GNL3L: variants seen among roughly 807,000 people sequenced by gnomAD.
The protein encoded by GNL3L is G protein nucleolar 3 like, also known as guanine nucleotide-binding protein-like 3-like protein.
In GNL3L, 4 loss-of-function variants were observed where a neutral mutation model predicts 42.9. The observed-to-expected ratio is 0.09, with a 90% CI of 0.05 to 0.21. The LOEUF (loss-of-function observed/expected upper bound fraction) is 0.21, where lower values mean the gene tolerates loss of function less well. GNL3L is among the 10% of genes least tolerant of loss of function. The pLI is 1.00. For missense variants in GNL3L, 412 were observed against 481.7 expected, an observed-to-expected ratio of 0.86 and a Z score of 1.36; for synonymous variants, 159 against 176.3, an observed-to-expected ratio of 0.90 and a Z score of 0.78.
downstream of GNL3L, among the ~76,000 whole-genome samples, chrX:54,625,706 G>A (rs186714936): frequency 3.6e-3 from 401 of 110,929 alleles, 2 homozygotes; most frequent in African/African-American, 0.013. Flanking sequence ...ATATCTAATG[G>A]TAGAGAACTA....
intron 16 of GNL3L, among the ~76,000 whole-genome samples, chrX:54,606,367 A>G (rs1436945268): frequency 2.7e-5 from 3 of 111,646 alleles, no homozygotes; most frequent in Non-Finnish European, 5.6e-5. Context: ...TTCCACTTAA[A>G]TGAACTTCAA....
the GNL3L span, among the ~76,000 whole-genome samples, chrX:54,636,790 G>T: frequency 4.5e-5 from 5 of 112,061 alleles, no homozygotes; most frequent in Non-Finnish European, 9.4e-5. Flanking sequence ...CATCTAGGTT[G>T]ATTCTGTATC....
rs762594562 is a variant in GNL3L at position 54,539,319 on chromosome X, A to G, written c.81+218A>G. On this transcript the variant is annotated intron_variant, in intron 3 of 15. Coordinates refer to ENST00000360845, the MANE Select transcript of GNL3L (RefSeq NM_001184819.2). ...TCGTGCTTGATTTACCTTGGTAGGG[A>G]TTATCATTATCCCCATGTTTTAGTT... is the stretch of plus-strand genomic sequence containing the variant. Among the ~76,000 whole-genome samples the G allele has an allele frequency of 2.7e-4, 30 of 111,194 alleles. No individual in the cohort carries two copies. The South Asian group carries it at 0.011, about 41-fold the overall frequency.
the GNL3L span, among the ~76,000 whole-genome samples, chrX:54,638,357 G>C: frequency 8.9e-6 from 1 of 112,001 alleles, no homozygotes; most frequent in Non-Finnish European, 1.9e-5. Flanking sequence ...CCTTCACACA[G>C]TGCCTGATAC....
At chrX:54,584,411 A>G (rs941056849) in intron 16 of GNL3L, among the ~76,000 whole-genome samples, 1 of 111,893 alleles carries the variant, frequency 8.9e-6, no homozygotes, top group Non-Finnish European at 1.9e-5. Context: ...TGATACAAGC[A>G]TATAATGTAT....
intron 7 of GNL3L, 124 bp downstream of exon 7, chrX:54,543,466 T>C: frequency 1.4e-6 from 1 of 717,181 alleles, no homozygotes; most frequent in Non-Finnish European, 2.1e-6. Flanking sequence ...AAAGTAGAAA[T>C]TTTTGTTCCG....
chrX:54,635,502 G>A, the GNL3L span, among the ~76,000 whole-genome samples: 3 of 111,395 alleles, frequency 2.7e-5, no homozygotes, highest in Non-Finnish European at 5.6e-5. Context: ...TTTGTTGAAA[G>A]CTATATGTTT....
intron 14 of GNL3L, among the ~76,000 whole-genome samples, chrX:54,555,039 G>C (rs1209589817): frequency 9.1e-6 from 1 of 109,377 alleles, no homozygotes; most frequent in African/African-American, 3.3e-5. Flanking sequence ...TTGAGATAGA[G>C]TCTCACTCTG....
chrX:54,630,920 C>T, the GNL3L span, among the ~76,000 whole-genome samples: 7 of 106,435 alleles, frequency 6.6e-5, no homozygotes, highest in Non-Finnish European at 1.3e-4. Flanking sequence ...GATTATCCTG[C>T]CTCAGCCTCC....
intron 1 of GNL3L, among the ~76,000 whole-genome samples, chrX:54,530,932 G>A (rs775270072): frequency 9.0e-6 from 1 of 111,437 alleles, no homozygotes; most frequent in East Asian, 2.9e-4. Flanking sequence ...AGAGCCCTCA[G>A]TATCGCTCCC....
chrX:54,552,918 G>A (rs1924988777), intron 13 of GNL3L, among the ~76,000 whole-genome samples: 1 of 111,930 alleles, frequency 8.9e-6, no homozygotes, highest in African/African-American at 3.2e-5. Context: ...CTGCCCTGTT[G>A]AAGACTCTTC....
At chrX:54,552,054 C>A in intron 12 of GNL3L, 80 bp downstream of exon 12, 1 of 1,088,035 alleles carries the variant, frequency 9.2e-7, no homozygotes, top group Non-Finnish European at 1.2e-6. Context: ...CTCATTGCCG[C>A]TGGGGCAGCT....
intron 16 of GNL3L, among the ~76,000 whole-genome samples, chrX:54,619,516 C>T (rs965003056): frequency 1.5e-4 from 12 of 82,294 alleles, no homozygotes; most frequent in African/African-American, 5.4e-4. Flanking sequence ...TTCTGTTTTG[C>T]GCAATTTTTT....
chrX:54,540,375 A>T (rs1475811280), intron 4 of GNL3L, 133 bp downstream of exon 4: 5 of 480,671 alleles, frequency 1.0e-5, no homozygotes, highest in Non-Finnish European at 1.5e-5. Context: ...GGAGAGAGGG[A>T]GGTTACCATG....
Position 54,551,561 on chromosome X carries a change from G to A in GNL3L, c.864-7G>A, listed in dbSNP as rs778958675. 1.2e-5 allele frequency: 14 copies of A among 1,205,203 alleles called. No homozygotes were observed. The highest frequency in any genetic ancestry group is 3.0e-5 in the East Asian group (1 of 33,753). The stretch of plus-strand genomic sequence containing the variant: ...GTACATCTGGGCTTTCTTCTTCCCC[G>A]CCCCAGATTCATGCAGGAGGTCTAC... On this transcript the variant is annotated splice_polypyrimidine_tract_variant and splice_region_variant and intron_variant, in intron 10 of 15. Coordinates refer to ENST00000360845, the MANE Select transcript of GNL3L (RefSeq NM_001184819.2).
chrX:54,545,953 A>G (rs1012197416), intron 8 of GNL3L, among the ~76,000 whole-genome samples: 13 of 112,517 alleles, frequency 1.2e-4, no homozygotes, highest in African/African-American at 4.2e-4. Flanking sequence ...GGCTCAAGCC[A>G]TCCTCCTGCC....
intron 15 of GNL3L, 55 bp downstream of exon 15, chrX:54,558,710 T>A: frequency 1.1e-6 from 1 of 908,845 alleles, no homozygotes; most frequent in Non-Finnish European, 1.5e-6. Context: ...GGGATCTTTT[T>A]TTGTTTTTTT....
intron 13 of GNL3L, among the ~76,000 whole-genome samples, chrX:54,553,280 C>T (rs1191070998): frequency 8.9e-6 from 1 of 111,776 alleles, no homozygotes; most frequent in Non-Finnish European, 1.9e-5. Context: ...GCTTGTGGCT[C>T]CCTGCTTCAT....
rs201258843 is a variant in GNL3L at position 54,542,945 on chromosome X, T to C, written c.307-10T>C. On this transcript the variant is annotated splice_polypyrimidine_tract_variant and intron_variant, in intron 5 of 15. Transcript: ENST00000360845. ...TCCCCTGGACCATTCTCTTTTTTTT[T>C]CTCCTTTAGGAGGAAGTTTTGCAGG... 618 of 1,122,902 alleles carry C rather than the reference T, an allele frequency of 5.5e-4. 5 individuals carry two copies. In the African/African-American group the frequency reaches 9.3e-3, roughly 17 times the overall value. 92.5% of individuals were successfully genotyped at this position (1,122,902 alleles called of 1,213,427 possible).
Sources: gnomAD v4.1 joint callset for allele counts (sites outside exome capture counted in the v4.1 genomes callset) on GRCh38, gnomAD v4.1.1 for gene constraint, MANE v1.5 for transcripts, NCBI Gene and HGNC (gene_info 2026-07-23, HGNC 2026-07-21) for gene names.